NUSAP1: variants seen among roughly 807,000 people sequenced by gnomAD.
The protein encoded by NUSAP1 is nucleolar and spindle-associated protein 1.
A neutral mutation model predicts 52.8 loss-of-function variants in NUSAP1; 32 were observed. The ratio of observed to expected loss-of-function variants is 0.61; its 90% confidence interval spans 0.46 to 0.81. The LOEUF is 0.81. NUSAP1 is among the 40% of genes least tolerant of loss of function. The pLI is 0.00. For missense variants in NUSAP1, 499 were observed against 522.3 expected, an observed-to-expected ratio of 0.96 and a Z score of 0.43; for synonymous variants, 195 against 183.1, an observed-to-expected ratio of 1.06 and a Z score of -0.52.
intron 2 of NUSAP1, among the ~76,000 whole-genome samples, chr15:41,347,535 G>A (rs1264506370): frequency 1.3e-5 from 2 of 152,056 alleles, no homozygotes; most frequent in African/African-American, 4.8e-5. Flanking sequence ...AATAGACATG[G>A]CCGGGTGCGG....
intron 6 of NUSAP1, among the ~76,000 whole-genome samples, chr15:41,364,136 G>T (rs542914688): frequency 9.2e-5 from 14 of 152,180 alleles, no homozygotes; most frequent in African/African-American, 3.4e-4. Flanking sequence ...CCTGGCCTAA[G>T]TTTATATTTA....
rs376200409 is a variant in NUSAP1 at position 41,370,525 on chromosome 15, C to T, written c.849-1002C>T. On this transcript the variant is annotated intron_variant, in intron 7 of 10. Coordinates refer to ENST00000559596, the MANE Select transcript of NUSAP1 (RefSeq NM_016359.5). ...CAGCACTTTGAGAGACTGAGGCAGG[C>T]GGATCACCTGAGATCAGGAGTTTGA... Among the ~76,000 whole-genome samples the T allele has an allele frequency of 2.6e-5, 4 of 151,556 alleles. No homozygotes were observed. In the East Asian group the frequency reaches 5.8e-4, roughly 22 times the overall value.
At chr15:41,347,599 A>G (rs949230088) in intron 2 of NUSAP1, among the ~76,000 whole-genome samples, 1 of 151,200 alleles carries the variant, frequency 6.6e-6, no homozygotes, top group Non-Finnish European at 1.5e-5. Flanking sequence ...GCGGATCACA[A>G]GGTCAACAGA....
intron 10 of NUSAP1, among the ~76,000 whole-genome samples, chr15:41,377,904 G>A (rs1028379287): frequency 1.3e-5 from 2 of 151,770 alleles, no homozygotes; most frequent in African/African-American, 4.8e-5. Context: ...GGGAGACTGA[G>A]GCAGGAACCT....
chr15:41,365,555 C>G lies in NUSAP1; in HGVS notation c.814C>G (p.Arg272Gly). 6.2e-7 allele frequency: 1 copy of G among 1,611,076 alleles called. No homozygotes were observed. The highest frequency in any genetic ancestry group is 8.5e-7 in the Non-Finnish European group (1 of 1,178,322). ...CTTGGGTCTGAAGGGGTCACTCAAGCGCTCTGCTATCTCTGCAGCTAAAAC... is the reference window on the plus strand; with the variant it reads ...CTTGGGTCTGAAGGGGTCACTCAAGGGCTCTGCTATCTCTGCAGCTAAAAC... ...STLGLKGSLK[R>G]SAISAAKTGV... Residue 272 changes from arginine (R) to glycine (G), a missense_variant, in exon 7 of 11, where the codon CGC becomes GGC. Arg to Gly is a moderately radical substitution (Grantham distance 125). Transcript: ENST00000559596.
rs2049981937 is a variant in NUSAP1 at position 41,377,287 on chromosome 15, AC to A, written c.1219del (p.His407IlefsTer65). ...INFYKKTYKQ[P>X]HLQTKEEQRK... ...ACTTCTACAAGAAAACTTACAAACA[AC>A]CCCATCTCCAGACAAAGTAAGTACA... On this transcript the variant is annotated frameshift_variant, in exon 10 of 11. Transcript: ENST00000559596. LOFTEE classifies it high-confidence loss of function. 1.3e-6 allele frequency: 2 copies of A among 1,489,346 alleles called. No individual in the cohort carries two copies. The highest frequency in any genetic ancestry group is 1.8e-6 in the Non-Finnish European group (2 of 1,098,768). 92.3% of individuals were successfully genotyped at this position (1,489,346 alleles called of 1,614,324 possible).
rs1195770892 is a variant in NUSAP1, at chr15:41,378,942, T to TG, written c.1233-1149dup. 4.9e-5 allele frequency among the ~76,000 whole-genome samples: 6 copies of TG among 123,636 alleles called. 1 individual carries two copies. Among genetic ancestry groups the TG allele is most frequent in the African/African-American group, 1.4e-4 (4 of 28,696 alleles). The allele number at this position is 123,636 out of a possible 152,430, so 81.1% of individuals were successfully genotyped here. A position where few individuals can be genotyped will look rare whatever the true frequency, so the allele number is the denominator to read the frequency against. Reference sequence around the variant, plus strand: ...AGCCCAAGATTATATTAACTTATCTTGGTTTTTTTTTTTTTTTTTTTTTTT... The same window carrying TG: ...AGCCCAAGATTATATTAACTTATCTTGGGTTTTTTTTTTTTTTTTTTTTTTT... On this transcript the variant is annotated intron_variant, in intron 10 of 10. Coordinates refer to ENST00000559596, the MANE Select transcript of NUSAP1 (RefSeq NM_016359.5).
chr15:41,365,701 G>T, intron 7 of NUSAP1, 112 bp downstream of exon 7: 1 of 645,402 alleles, frequency 1.5e-6, no homozygotes, highest in Non-Finnish European at 2.3e-6. Flanking sequence ...GGTACATAGT[G>T]ATGTTTCTTT....
intron 1 of NUSAP1, among the ~76,000 whole-genome samples, chr15:41,336,999 C>CTTTTTTTTTTTTTTTTT: frequency 1.5e-5 from 1 of 65,792 alleles, no homozygotes; most frequent in Non-Finnish European, 2.7e-5. Context: ...CTTTCCTTTT[C>CTTTTTTTTTTTTTTTTT]TTTTTTTTTT....
intron 9 of NUSAP1, among the ~76,000 whole-genome samples, chr15:41,376,374 G>C (rs2140868469): frequency 6.6e-6 from 1 of 151,924 alleles, no homozygotes; most frequent in East Asian, 1.9e-4. Context: ...ACTCCAGCCT[G>C]GGTGACATAG....
rs878913875 is a variant in NUSAP1 at position 41,358,239 on chromosome 15, A to G, written c.641A>G (p.Asn214Ser). The G allele has an allele frequency of 6.8e-7, 1 of 1,477,244 alleles. No homozygotes were observed. Among genetic ancestry groups the G allele is most frequent in the South Asian group, 1.2e-5 (1 of 85,388 alleles). The allele number at this position is 1,477,244 out of a possible 1,614,324, so 91.5% of individuals were successfully genotyped here. A position where few individuals can be genotyped will look rare whatever the true frequency, so the allele number is the denominator to read the frequency against. The change falls in exon 6 of 11, where the codon AAT (asparagine) becomes AGT (serine). Residue 214 changes from asparagine to serine, a missense_variant. Asn to Ser is a conservative substitution (Grantham distance 46). Transcript: ENST00000559596. ...AAAAAGAAACATTTTGAAGAACACAATTCCATGAATGAACTGAAGGTATGT... is the reference window on the plus strand; with the variant it reads ...AAAAAGAAACATTTTGAAGAACACAGTTCCATGAATGAACTGAAGGTATGT... ...ERKKKHFEEH[N>S]SMNELKQQPI...
At chr15:41,358,320 T>C (rs2049042870) in intron 6 of NUSAP1, 62 bp downstream of exon 6, 3 of 765,608 alleles carry the variant, frequency 3.9e-6, no homozygotes, top group Non-Finnish European at 6.6e-6. Context: ...TTTGAAACTA[T>C]ATAACACCGT....
At chr15:41,371,858 C>A (rs1415329228) in intron 8 of NUSAP1, among the ~76,000 whole-genome samples, 174 bp downstream of exon 8, 1 of 151,986 alleles carries the variant, frequency 6.6e-6, no homozygotes, top group Non-Finnish European at 1.5e-5. Flanking sequence ...GCAACCTCTG[C>A]CTCCCAGGTT....
chr15:41,339,558 G>T (rs1347337545), intron 1 of NUSAP1, among the ~76,000 whole-genome samples: 1 of 151,186 alleles, frequency 6.6e-6, no homozygotes, highest in East Asian at 2.0e-4. Context: ...TTACAGGCAT[G>T]TGCCACCATG....
At chr15:41,353,357 G>A (rs920904868) in intron 4 of NUSAP1, among the ~76,000 whole-genome samples, 2 of 152,048 alleles carry the variant, frequency 1.3e-5, no homozygotes, top group African/African-American at 4.8e-5. Flanking sequence ...GGCCAGACTG[G>A]TCTCGAACTC....
At chr15:41,347,813 CAA>C (rs374551463) in intron 2 of NUSAP1, among the ~76,000 whole-genome samples, 60 of 95,568 alleles carry the variant, frequency 6.3e-4, no homozygotes, top group Admixed American at 1.2e-3. Flanking sequence ...GACTCCGTCT[CAA>C]AAAAAAAAAA....
At chr15:41,375,121 TG>T (rs1291353404) in intron 8 of NUSAP1, among the ~76,000 whole-genome samples, 1 of 150,788 alleles carries the variant, frequency 6.6e-6, no homozygotes, top group Non-Finnish European at 1.5e-5. Context: ...GCAATTCCCC[TG>T]CCTCAGCCTA....
chr15:41,356,354 C>CTTTCT (rs749755648), intron 5 of NUSAP1, among the ~76,000 whole-genome samples: 1 of 124,652 alleles, frequency 8.0e-6, no homozygotes, highest in Non-Finnish European at 1.6e-5. Flanking sequence ...CTATTTCTTT[C>CTTTCT]TTTTTTTTTT....
intron 2 of NUSAP1, 50 bp downstream of exon 2, chr15:41,342,504 T>C: frequency 7.5e-7 from 1 of 1,334,446 alleles, no homozygotes; most frequent in Non-Finnish European, 1.0e-6. Flanking sequence ...ATAATCATAT[T>C]TGGTTAATGG....
Sources: gnomAD v4.1 joint callset for allele counts (sites outside exome capture counted in the v4.1 genomes callset) on GRCh38, gnomAD v4.1.1 for gene constraint, MANE v1.5 for transcripts, NCBI Gene and HGNC (gene_info 2026-07-23, HGNC 2026-07-21) for gene names.